Variants in MICAL1 observed in about 807,000 individuals in gnomAD.
MICAL1 encodes [F-actin]-monooxygenase MICAL1.
MICAL1 carries 95 observed loss-of-function variants against 131.8 expected under a neutral mutation model. The ratio of observed to expected loss-of-function variants is 0.72; its 90% CI spans 0.61 to 0.86. The LOEUF is 0.86. MICAL1 is among the 40% of genes least tolerant of loss of function. MICAL1 has a pLI of 0.00. For missense variants in MICAL1, 1,292 were observed against 1,380.6 expected (o/e 0.94, Z 1.02); for synonymous variants, 546 against 554.2 (o/e 0.99, Z 0.21).
Position 109,444,907 on chromosome 6 carries a change from C to T in MICAL1, c.2970G>A (p.Glu990=). ...CCCCTTCCCCTTACGTGATCATGAG[C>T]TCGGCCTCCTCAGCCACCAGGCTGT... ...KKNSLVAEEA[E]LMITVQELNL... is the part of the protein sequence containing the mutation. Residue 990 remains glutamate, a synonymous_variant, in exon 23 of 25, where the codon GAG becomes GAA. Coordinates refer to ENST00000358807, the MANE Select transcript of MICAL1 (RefSeq NM_022765.4). 2.5e-6 allele frequency: 4 copies of T among 1,614,178 alleles called. No individual in the cohort carries two copies. Among genetic ancestry groups the T allele is most frequent in the Non-Finnish European group, 3.4e-6 (4 of 1,180,028 alleles).
At chr6:109,453,061 G>A (rs1775606843) in intron 4 of MICAL1, among the ~76,000 whole-genome samples, 1 of 152,206 alleles carries the variant, frequency 6.6e-6, no homozygotes, top group South Asian at 2.1e-4. Context: ...TCAGGAGGCT[G>A]AGGCAGGAGA....
At chr6:109,461,445 TA>T in intron 1 of MICAL1, among the ~76,000 whole-genome samples, 1 of 152,292 alleles carries the variant, frequency 6.6e-6, no homozygotes. Flanking sequence ...TTGTTTTATG[TA>T]AAAAAGTTAT....
At chr6:109,453,609 G>A (rs371727279) in intron 3 of MICAL1, 29 bp downstream of exon 3, 33 of 1,561,884 alleles carry the variant, frequency 2.1e-5, no homozygotes, top group Non-Finnish European at 2.6e-5. Flanking sequence ...AAGCTCACCC[G>A]CCCCTCCAGG....
intron 17 of MICAL1, 23 bp from the exon 18 acceptor site, chr6:109,446,795 G>A (rs1473592737): frequency 6.2e-7 from 1 of 1,607,764 alleles, no homozygotes; most frequent in Non-Finnish European, 8.5e-7. Context: ...GAGAGGGGAG[G>A]AGGCATTTGG....
At chr6:109,465,795 C>T in exon 1 of MICAL1, 1 of 1,614,064 alleles carries the variant, frequency 6.2e-7, no homozygotes, top group Non-Finnish European at 8.5e-7. Flanking sequence ...GTTCAAAATC[C>T]AGTCAGAGCT....
Position 109,448,158 on chromosome 6 carries a change from C to CA in MICAL1, c.1855+44dup, listed in dbSNP as rs755438027. ...TCACACACACACACACACACACACA[C>CA]ACCTCCCCATCCCAGTTATCCTGCC... On this transcript the variant is annotated intron_variant, in intron 13 of 24. Coordinates refer to ENST00000358807, the MANE Select transcript of MICAL1 (RefSeq NM_022765.4). The CA allele has an allele frequency of 5.7e-6, 9 of 1,585,844 alleles. No homozygotes were observed. The Admixed American group carries it at 6.7e-5, about 12-fold the overall frequency.
intron 24 of MICAL1, 140 bp downstream of exon 24, chr6:109,444,585 G>T (rs2146411): frequency 3.6e-6 from 4 of 1,106,548 alleles, no homozygotes; most frequent in Non-Finnish European, 4.0e-6. Flanking sequence ...GGGCTTTGGA[G>T]CCCCCTCCTC....
chr6:109,463,378 G>A (rs1775950453), intron 1 of MICAL1: 1 of 152,150 alleles, frequency 6.6e-6, no homozygotes, highest in African/African-American at 2.4e-5. Flanking sequence ...GTTTCTCTTT[G>A]ACAGCTGGTC....
chr6:109,445,796 A>T lies in MICAL1; in HGVS notation c.2648T>A (p.Val883Glu). The T allele has an allele frequency of 6.2e-7, 1 of 1,611,710 alleles. No individual in the cohort carries two copies. Among genetic ancestry groups the T allele is most frequent in the South Asian group, 1.1e-5 (1 of 90,472 alleles). The change falls in exon 20 of 25, where the codon GTG becomes GAG. Residue 883 changes from valine to glutamate, a missense_variant. Val to Glu is a moderately radical substitution (Grantham distance 121). Coordinates refer to ENST00000358807, the MANE Select transcript of MICAL1 (RefSeq NM_022765.4). ...PFSSEEEEED[V>E]PLDSDVEQAL... ...CTGTTCCACATCTGAGTCCAAAGGC[A>T]CATCTTCTTCTTCCTCTTCACTGGA...
At chr6:109,465,579 A>T (rs1447738046) in intron 1 of MICAL1, 2 of 1,441,778 alleles carry the variant, frequency 1.4e-6, no homozygotes, top group Non-Finnish European at 1.9e-6. Context: ...GCCCCCAAAG[A>T]AAAACTACCC....
rs769937369 is a variant in MICAL1, at chr6:109,450,520, T to C, written c.971A>G (p.Asn324Ser). The change falls in exon 8 of 25, where the codon AAT (asparagine) becomes AGT (serine). Residue 324 changes from asparagine (N) to serine (S), a missense_variant. By Grantham distance (46) the Asn-to-Ser change is conservative. Transcript: ENST00000358807. ...GCGCTGCAGAGCCTCGGGCACCACA[T>C]TGGCACTGCCCAGCAGCCGATTGGT... ...PDTNRLLGSA[N>S]VVPEALQRFT... The C allele has an allele frequency of 3.1e-6, 5 of 1,612,098 alleles. No individual in the cohort carries two copies. Among genetic ancestry groups the C allele is most frequent in the Admixed American group, 1.7e-5 (1 of 59,992 alleles).
At position 109,448,788 on chromosome 6, in the gene MICAL1, G is replaced by A. The variant is rs1775370827; in HGVS notation, c.1608C>T (p.Ser536=). ...CACACAGAGCTAGCCCATCAGCCCA[G>A]GAGGAAGACAAATCGGAGACGTGGA... is the stretch of plus-strand genomic sequence containing the variant. The part of the protein sequence containing the change: ...PGVHVSDLSS[S]WADGLALCAL... Residue 536 remains serine (S), a synonymous_variant, in exon 12 of 25, where the codon TCC becomes TCT. Transcript: ENST00000358807. 6.2e-7 allele frequency: 1 copy of A among 1,614,118 alleles called. No individual in the cohort carries two copies. Among genetic ancestry groups the A allele is most frequent in the Admixed American group, 1.7e-5 (1 of 60,024 alleles).
At chr6:109,450,259 T>TCC (rs1488294717) in intron 8 of MICAL1, 41 bp downstream of exon 8, 1 of 1,586,984 alleles carries the variant, frequency 6.3e-7, no homozygotes, top group East Asian at 2.3e-5. Context: ...GGCAGCTCCC[T>TCC]CCCCTAACCA....
intron 4 of MICAL1, among the ~76,000 whole-genome samples, chr6:109,452,898 T>A (rs1289049037): frequency 6.6e-6 from 1 of 152,164 alleles, no homozygotes; most frequent in Non-Finnish European, 1.5e-5. Context: ...GGGTCACGCC[T>A]GTAATCCCAG....
chr6:109,456,524 TA>T (rs1775756169), upstream of MICAL1, among the ~76,000 whole-genome samples: 1 of 152,064 alleles, frequency 6.6e-6, no homozygotes, highest in South Asian at 2.1e-4. Context: ...CGGGGCGGGT[TA>T]GACCACCACT....
rs757913471 is a variant in MICAL1, at chr6:109,453,982, C to T, written c.215G>A (p.Gly72Asp). The T allele has an allele frequency of 2.5e-6, 4 of 1,613,972 alleles. No individual in the cohort carries two copies. The highest frequency in any genetic ancestry group is 3.4e-6 in the Non-Finnish European group (4 of 1,180,034). Residue 72 changes from glycine (G) to aspartate (D), a missense_variant, in exon 2 of 25, where the codon GGC becomes GAC. Gly to Asp is a moderately conservative substitution (Grantham distance 94, BLOSUM62 -1). Transcript: ENST00000358807. ...SLWTKLDKRA[G>D]QPVYQQGRAC... is the part of the protein sequence containing the mutation. The stretch of plus-strand genomic sequence containing the variant: ...CCGGCCCTGCTGGTAGACAGGCTGG[C>T]CTGCTCGCTTGTCCAGCTTGGTCCA...
At position 109,445,492 on chromosome 6, in the gene MICAL1, T is replaced by C. The variant is rs751897747; in HGVS notation, c.2711A>G (p.Asn904Ser). The change falls in exon 21 of 25, where the codon AAT becomes AGT. Residue 904 changes from asparagine (N) to serine (S), a missense_variant. Asn to Ser is a conservative substitution (Grantham distance 46). Transcript: ENST00000358807. The stretch of plus-strand genomic sequence containing the variant: ...AGTCCGACGCCATGTTGGGTAGTTA[T>C]TCATGGTGCCTGAGGTCTTGGCAAA... Reference protein sequence around the residue: ...QTFAKTSGTMNNYPTWRRTLL... With the variant: ...QTFAKTSGTMSNYPTWRRTLL... 6.2e-7 allele frequency: 1 copy of C among 1,614,138 alleles called. No homozygotes were observed. Among genetic ancestry groups the C allele is most frequent in the Admixed American group, 1.7e-5 (1 of 60,038 alleles).
chr6:109,448,670 A>G lies in MICAL1; in HGVS notation c.1664+62T>C, dbSNP rs942662669. 12 of 1,595,056 alleles carry G rather than the reference A, an allele frequency of 7.5e-6. No homozygotes were observed. In the East Asian group the frequency reaches 1.6e-4, roughly 21 times the overall value. On this transcript the variant is annotated intron_variant, in intron 12 of 24. Coordinates refer to ENST00000358807, the MANE Select transcript of MICAL1 (RefSeq NM_022765.4). ...GGAAGCACACTGTCTCTAGGATTCAACTGGATATGCTAACTCCTACACTGA... is the reference window on the plus strand; with the variant it reads ...GGAAGCACACTGTCTCTAGGATTCAGCTGGATATGCTAACTCCTACACTGA...
At chr6:109,447,987 G>A (rs776964575) in intron 13 of MICAL1, 24 bp from the exon 14 acceptor site, 4 of 1,582,942 alleles carry the variant, frequency 2.5e-6, no homozygotes, top group Non-Finnish European at 3.4e-6. Flanking sequence ...CAGGGCATCA[G>A]TGTGGATGGG....
Sources: gnomAD v4.1 joint callset for allele counts (sites outside exome capture counted in the v4.1 genomes callset) on GRCh38, gnomAD v4.1.1 for gene constraint, MANE v1.5 for transcripts, NCBI Gene and HGNC (gene_info 2026-07-23, HGNC 2026-07-21) for gene names.